The following LAMA2 variants were observed in gnomAD, a reference collection of about 807,000 sequenced individuals.
LAMA2 encodes laminin subunit alpha 2.
Under a neutral mutation model 364.8 loss-of-function variants are expected in LAMA2, and 269 were observed. That is an observed-to-expected ratio of 0.74 (90% CI 0.67 to 0.82). The LOEUF is 0.82. Ranked by LOEUF, LAMA2 falls within the 40% of genes least tolerant of loss-of-function variation. The pLI is 0.00. For synonymous variants in LAMA2, 1,379 were observed against 1,370.6 expected (o/e 1.01, Z -0.14); for missense variants, 3,807 against 3,873.2 (o/e 0.98, Z 0.45).
Position 129,278,069 on chromosome 6 carries a change from G to A in LAMA2, c.2451-1992G>A, listed in dbSNP as rs374989434. On this transcript the variant is annotated intron_variant, in intron 17 of 64. Coordinates refer to ENST00000421865, the MANE Select transcript of LAMA2 (RefSeq NM_000426.4). ...ATACAAAAATGGGCCAGGCCTGGTA[G>A]CACCTGCCTGCAATCCCAGCTACTC... Among the ~76,000 whole-genome samples the A allele has an allele frequency of 1.1e-3, 173 of 152,168 alleles. 1 individual carries two copies. Among genetic ancestry groups the A allele is most frequent in the African/African-American group, 4.1e-3 (169 of 41,522 alleles).
intron 10 of LAMA2, among the ~76,000 whole-genome samples, chr6:129,183,288 A>G (rs17056909): frequency 0.28 from 42,937 of 151,746 alleles, 8,180 homozygotes; most frequent in African/African-American, 0.55. Flanking sequence ...CATATTATTT[A>G]TGCAAAATCA....
chr6:129,194,425 A>G (rs1247769384), intron 12 of LAMA2, among the ~76,000 whole-genome samples: 5 of 152,178 alleles, frequency 3.3e-5, no homozygotes, highest in African/African-American at 4.8e-5. Flanking sequence ...AAGCAAATGG[A>G]ATATTCGGTA....
chr6:129,190,618 G>A (rs1424568718), intron 11 of LAMA2, among the ~76,000 whole-genome samples: 1 of 152,094 alleles, frequency 6.6e-6, no homozygotes, highest in Non-Finnish European at 1.5e-5. Context: ...ATGCAATTAA[G>A]GTTTCAACTC....
At chr6:129,274,588 G>A (rs1788172589) in intron 17 of LAMA2, among the ~76,000 whole-genome samples, 1 of 151,838 alleles carries the variant, frequency 6.6e-6, no homozygotes, top group Non-Finnish European at 1.5e-5. Context: ...AATCAAATAT[G>A]TAAGAAGATA....
rs1424400019 is a variant in LAMA2 at position 129,452,970 on chromosome 6, A to G, written c.6430-18A>G. On this transcript the variant is annotated intron_variant, in intron 45 of 64. Transcript: ENST00000421865. ...GAGAGATTTACTCTTGGTTCTTTGT[A>G]TCTTGTTTTTTTTAAAGATCAAAGT... is the stretch of plus-strand genomic sequence containing the variant. 6.8e-6 allele frequency: 11 copies of G among 1,608,986 alleles called. No individual in the cohort carries two copies. The highest frequency in any genetic ancestry group is 3.3e-5 in the Admixed American group (2 of 59,806).
At chr6:128,987,068 A>G (rs938925852) in intron 1 of LAMA2, among the ~76,000 whole-genome samples, 29 of 150,710 alleles carry the variant, frequency 1.9e-4, no homozygotes, top group African/African-American at 6.8e-4. Flanking sequence ...TAATCTTGCA[A>G]TCAGTTGTTT....
At chr6:129,153,033 T>C (rs1464329020) in intron 7 of LAMA2, among the ~76,000 whole-genome samples, 1 of 151,914 alleles carries the variant, frequency 6.6e-6, no homozygotes, top group Admixed American at 6.6e-5. Context: ...CCTAAGAAAC[T>C]CAACATGTCA....
rs372791555 is a variant in LAMA2, at chr6:129,350,387, T to C, written c.4523+1003T>C. 9.8e-5 allele frequency among the ~76,000 whole-genome samples: 15 copies of C among 152,328 alleles called. No homozygotes were observed. In the South Asian group the frequency reaches 3.1e-3, roughly 32 times the overall value. The stretch of plus-strand genomic sequence containing the variant: ...ATAAGTGTGTAAAGGACACTGTTGG[T>C]GCCCTGCCTAGGCACCTACACTGAA... On this transcript the variant is annotated intron_variant, in intron 31 of 64. Coordinates refer to ENST00000421865, the MANE Select transcript of LAMA2 (RefSeq NM_000426.4).
intron 8 of LAMA2, among the ~76,000 whole-genome samples, chr6:129,163,525 T>C (rs1258639874): frequency 6.6e-6 from 1 of 152,058 alleles, no homozygotes; most frequent in Non-Finnish European, 1.5e-5. Flanking sequence ...TATCACCTAC[T>C]CAGGAGACTG....
At chr6:129,293,542 T>C (rs6921593) in intron 20 of LAMA2, among the ~76,000 whole-genome samples, 151,680 of 152,370 alleles carry the variant, frequency 1, 75,502 homozygotes, top group Middle Eastern at 1. Context: ...GTACAACAAA[T>C]GCAAGAAACA....
chr6:129,048,656 C>G (rs774587290), intron 1 of LAMA2, among the ~76,000 whole-genome samples: 3 of 149,400 alleles, frequency 2.0e-5, no homozygotes, highest in Non-Finnish European at 3.0e-5. Flanking sequence ...CCTCTGTCTC[C>G]CAGGCTGGAG....
At chr6:129,115,039 A>C (rs1293433428) in intron 4 of LAMA2, among the ~76,000 whole-genome samples, 1 of 152,088 alleles carries the variant, frequency 6.6e-6, no homozygotes, top group East Asian at 1.9e-4. Flanking sequence ...TAATAACACA[A>C]ATTATTTGTA....
chr6:129,071,563 G>A (rs1452802336), intron 3 of LAMA2, among the ~76,000 whole-genome samples: 1 of 151,338 alleles, frequency 6.6e-6, no homozygotes, highest in East Asian at 1.9e-4. Flanking sequence ...CTCTACATAG[G>A]GCTTTAGTTG....
At chr6:129,371,657 A>T (rs1242957055) in intron 34 of LAMA2, among the ~76,000 whole-genome samples, 1 of 142,796 alleles carries the variant, frequency 7.0e-6, no homozygotes, top group African/African-American at 2.6e-5. Flanking sequence ...CCGAGGCTGG[A>T]GTGCAGTGGT....
chr6:129,439,825 C>CATATATATATATATATATATAT (rs5879948), intron 42 of LAMA2, among the ~76,000 whole-genome samples: 20 of 123,612 alleles, frequency 1.6e-4, no homozygotes, highest in East Asian at 1.3e-3. Flanking sequence ...ATCAATTGGT[C>CATATATATATATATATATATAT]ATATATATAT....
At chr6:129,296,621 G>A (rs1273957110) in intron 20 of LAMA2, among the ~76,000 whole-genome samples, 1 of 151,504 alleles carries the variant, frequency 6.6e-6, no homozygotes, top group Non-Finnish European at 1.5e-5. Context: ...TATATAATGA[G>A]GCTTATTAAT....
At chr6:129,362,101 A>C (rs1056047850) in intron 32 of LAMA2, among the ~76,000 whole-genome samples, 4 of 151,858 alleles carry the variant, frequency 2.6e-5, no homozygotes, top group African/African-American at 9.7e-5. Flanking sequence ...AACCATTTTT[A>C]ATTGTCCCCA....
intron 10 of LAMA2, among the ~76,000 whole-genome samples, chr6:129,185,927 T>C (rs1781202231): frequency 6.6e-6 from 1 of 151,842 alleles, no homozygotes; most frequent in Non-Finnish European, 1.5e-5. Context: ...GGAATGAATA[T>C]TAATTTCTAG....
intron 45 of LAMA2, among the ~76,000 whole-genome samples, chr6:129,450,989 C>G (rs186387680): frequency 6.9e-4 from 105 of 152,302 alleles, no homozygotes; most frequent in Non-Finnish European, 1.2e-3. Context: ...ATCTGACACC[C>G]TTTCCTGAAC....
Sources: gnomAD v4.1 joint callset for allele counts (sites outside exome capture counted in the v4.1 genomes callset) on GRCh38, gnomAD v4.1.1 for gene constraint, MANE v1.5 for transcripts, NCBI Gene and HGNC (gene_info 2026-07-23, HGNC 2026-07-21) for gene names.